The following RNF144A variants were observed in gnomAD, a reference collection of about 807,000 sequenced individuals.
The protein encoded by RNF144A is E3 ubiquitin-protein ligase RNF144A.
Under a neutral mutation model 38.7 loss-of-function variants are expected in RNF144A, and 11 were observed. That is an observed-to-expected ratio of 0.28 (90% CI 0.18 to 0.47). The LOEUF is 0.47. RNF144A is among the 20% of genes least tolerant of loss of function. RNF144A has a pLI of 0.99. For missense variants in RNF144A, 316 were observed against 377.2 expected (o/e 0.84, Z 1.34); for synonymous variants, 149 against 143.9 (o/e 1.04, Z -0.25).
chr2:6,985,316 G>C lies in RNF144A; in HGVS notation c.-11-11600G>C, dbSNP rs1261024224. 4.8e-5 allele frequency among the ~76,000 whole-genome samples: 7 copies of C among 146,116 alleles called. No individual in the cohort carries two copies. The South Asian group carries it at 8.7e-4, about 18-fold the overall frequency. On this transcript the variant is annotated intron_variant, in intron 2 of 8. Transcript: ENST00000320892. ...TTTAACAATGAGAAGATCGTTAAAG[G>C]CAGCTGCTTTAGGGAAAAAGGGCTT...
intron 3 of RNF144A, among the ~76,000 whole-genome samples, chr2:7,011,265 G>A (rs111448106): frequency 1.4e-4 from 22 of 152,214 alleles, no homozygotes; most frequent in African/African-American, 4.1e-4. Flanking sequence ...TGCTTTTTAC[G>A]GTGATGGGCA....
At chr2:7,026,201 T>C (rs942385464) in intron 7 of RNF144A, among the ~76,000 whole-genome samples, 12 of 152,262 alleles carry the variant, frequency 7.9e-5, no homozygotes, top group Non-Finnish European at 1.8e-4. Context: ...CTTTAAAAAT[T>C]AGATTGCTTC....
At chr2:7,075,341 T>G in the RNF144A span, among the ~76,000 whole-genome samples, 1 of 150,692 alleles carries the variant, frequency 6.6e-6, no homozygotes, top group African/African-American at 2.4e-5. Flanking sequence ...CCCAGCATGA[T>G]GGGCTCCAGG....
chr2:6,920,606 G>A (rs1191570081), intron 1 of RNF144A, among the ~76,000 whole-genome samples: 1 of 152,198 alleles, frequency 6.6e-6, no homozygotes, highest in Non-Finnish European at 1.5e-5. Context: ...GCCCAGAGGC[G>A]GGGAATGGAA....
chr2:6,928,881 G>A (rs975456938), intron 1 of RNF144A, among the ~76,000 whole-genome samples: 1 of 152,174 alleles, frequency 6.6e-6, no homozygotes, highest in East Asian at 1.9e-4. Flanking sequence ...TCAGAAACTG[G>A]CCCATCCTCT....
chr2:6,922,526 T>C (rs1202257941), intron 1 of RNF144A, among the ~76,000 whole-genome samples: 3 of 152,090 alleles, frequency 2.0e-5, no homozygotes, highest in African/African-American at 7.2e-5. Flanking sequence ...ATGCATGGTG[T>C]GTTAAGGTCC....
chr2:6,977,605 C>A (rs1668393355), intron 2 of RNF144A, among the ~76,000 whole-genome samples: 1 of 152,204 alleles, frequency 6.6e-6, no homozygotes, highest in East Asian at 1.9e-4. Flanking sequence ...TACTGGGAAA[C>A]TTCTGGTGCA....
intron 2 of RNF144A, among the ~76,000 whole-genome samples, chr2:6,961,439 C>T (rs1667332258): frequency 6.6e-6 from 1 of 151,836 alleles, no homozygotes; most frequent in Non-Finnish European, 1.5e-5. Flanking sequence ...TACAGACCTG[C>T]ACTGAGTGCC....
At chr2:6,928,759 C>T (rs567747763) in intron 1 of RNF144A, among the ~76,000 whole-genome samples, 2 of 152,252 alleles carry the variant, frequency 1.3e-5, no homozygotes, top group Non-Finnish European at 2.9e-5. Context: ...TCCAAGGCCT[C>T]CTATCACCTG....
Position 7,008,985 on chromosome 2 carries a change from C to T in RNF144A, c.136-5469C>T, listed in dbSNP as rs550536586. On this transcript the variant is annotated intron_variant, in intron 3 of 8. Transcript: ENST00000320892. ...GAGAGTGTTTAACACAAAATCATTC[C>T]GTCCACATCTTCACTGAGCATCTAC... 7.2e-5 allele frequency among the ~76,000 whole-genome samples: 11 copies of T among 152,320 alleles called. No homozygotes were observed. In the South Asian group the frequency reaches 1.7e-3, roughly 23 times the overall value.
chr2:6,998,646 A>AGCT (rs1000067977), intron 3 of RNF144A, among the ~76,000 whole-genome samples: 4 of 152,212 alleles, frequency 2.6e-5, no homozygotes, highest in Non-Finnish European at 5.9e-5. Flanking sequence ...CCAGGAAGAC[A>AGCT]GCTCCAACCT....
intron 2 of RNF144A, among the ~76,000 whole-genome samples, chr2:6,986,315 C>T (rs1668962283): frequency 6.6e-6 from 1 of 151,982 alleles, no homozygotes; most frequent in South Asian, 2.1e-4. Context: ...ACTCTGTTAC[C>T]TCCATTATGT....
chr2:7,013,689 G>A (rs1224908158), intron 3 of RNF144A, among the ~76,000 whole-genome samples: 1 of 152,148 alleles, frequency 6.6e-6, no homozygotes, highest in Non-Finnish European at 1.5e-5. Flanking sequence ...GCTTTTCAGG[G>A]AAACACTAGA....
chr2:6,988,460 T>G (rs1416651343), intron 2 of RNF144A, among the ~76,000 whole-genome samples: 1 of 152,200 alleles, frequency 6.6e-6, no homozygotes, highest in African/African-American at 2.4e-5. Context: ...TGACAGTTTT[T>G]GGTTAGGAAT....
intron 8 of RNF144A, among the ~76,000 whole-genome samples, chr2:7,038,642 G>A (rs531453815): frequency 6.6e-6 from 1 of 152,202 alleles, no homozygotes; most frequent in South Asian, 2.1e-4. Context: ...GAAGAATGAG[G>A]GAAAAATGAA....
chr2:6,974,464 T>C (rs2103351987), intron 2 of RNF144A, among the ~76,000 whole-genome samples: 1 of 152,334 alleles, frequency 6.6e-6, no homozygotes, highest in East Asian at 1.9e-4. Context: ...TAAGCTATTG[T>C]AAGATTAAGT....
At chr2:7,074,307 C>T in the RNF144A span, among the ~76,000 whole-genome samples, 1 of 152,006 alleles carries the variant, frequency 6.6e-6, no homozygotes, top group South Asian at 2.1e-4. Context: ...CACCCATTTA[C>T]CCACCTTCCA....
At chr2:6,956,537 G>A (rs1667011774) in intron 2 of RNF144A, among the ~76,000 whole-genome samples, 1 of 152,170 alleles carries the variant, frequency 6.6e-6, no homozygotes, top group South Asian at 2.1e-4. Flanking sequence ...ATGATACTGA[G>A]GCTTTATGGC....
chr2:7,006,795 C>T (rs766425017), intron 3 of RNF144A, among the ~76,000 whole-genome samples: 4 of 152,070 alleles, frequency 2.6e-5, no homozygotes, highest in Non-Finnish European at 5.9e-5. Context: ...TACCTTCTTC[C>T]ACCCTCTGAC....
Sources: allele counts gnomAD v4.1 joint callset (sites outside exome capture counted in the v4.1 genomes callset), GRCh38; gene constraint gnomAD v4.1.1; transcripts MANE v1.5; gene names NCBI Gene and HGNC (gene_info 2026-07-23, HGNC 2026-07-21).